Variants in PUS10 observed in about 807,000 individuals in gnomAD.
The protein encoded by PUS10 is pseudouridine synthase 10.
In PUS10, 59 loss-of-function variants were observed where a neutral mutation model predicts 75.0. That is an observed-to-expected ratio of 0.79 (90% CI 0.64 to 0.98). PUS10 has a LOEUF of 0.98. Among genes scored for constraint, PUS10 ranks in the 50% least tolerant of loss-of-function variants. PUS10 has a pLI of 0.00. For missense variants in PUS10, 650 were observed against 614.4 expected, an observed-to-expected ratio of 1.06 and a Z score of -0.61; for synonymous variants, 219 against 211.6, an observed-to-expected ratio of 1.03 and a Z score of -0.30.
At chr2:60,992,099 C>T (rs1678126316) in intron 4 of PUS10, among the ~76,000 whole-genome samples, 1 of 151,770 alleles carries the variant, frequency 6.6e-6, no homozygotes, top group South Asian at 2.1e-4. Context: ...GCAACCTCCA[C>T]TTCCTGGGTT....
intron 14 of PUS10, among the ~76,000 whole-genome samples, 181 bp downstream of exon 14, chr2:60,953,752 T>C (rs1298827662): frequency 1.3e-5 from 2 of 152,272 alleles, no homozygotes; most frequent in Non-Finnish European, 2.9e-5. Context: ...GAGCATTTTT[T>C]CATATGTTAA....
chr2:60,948,549 AC>A (rs1675133124), intron 15 of PUS10, among the ~76,000 whole-genome samples: 2 of 151,876 alleles, frequency 1.3e-5, no homozygotes, highest in African/African-American at 2.4e-5. Context: ...TTTAGGGAGA[AC>A]CACATACCTA....
chr2:61,011,932 G>T, intron 1 of PUS10, 27 bp from the exon 2 acceptor site: 1 of 1,562,310 alleles, frequency 6.4e-7, no homozygotes, highest in South Asian at 1.2e-5. Context: ...TAAAACTAAT[G>T]AGCAGCTTCT....
chr2:60,960,259 G>C, intron 11 of PUS10, 133 bp downstream of exon 11: 1 of 592,112 alleles, frequency 1.7e-6, no homozygotes, highest in Non-Finnish European at 2.6e-6. Flanking sequence ...TGGGCAGATC[G>C]TTTGAGCCCA....
At chr2:60,965,384 C>G in intron 7 of PUS10, 39 bp downstream of exon 7, 1 of 1,508,992 alleles carries the variant, frequency 6.6e-7, no homozygotes, top group African/African-American at 1.4e-5. Context: ...ACAGCATTAA[C>G]AATTTTACAC....
chr2:60,985,232 T>C (rs1228677874), intron 4 of PUS10, among the ~76,000 whole-genome samples: 1 of 152,306 alleles, frequency 6.6e-6, no homozygotes, highest in Middle Eastern at 3.4e-3. Context: ...TTTTAAAGTG[T>C]TACATAGTAT....
intron 4 of PUS10, among the ~76,000 whole-genome samples, chr2:61,000,845 CA>C (rs539940125): frequency 1.3e-5 from 2 of 151,926 alleles, no homozygotes; most frequent in South Asian, 2.1e-4. Context: ...GATTTTTCAC[CA>C]AAAAAATTTG....
At chr2:60,992,182 T>C (rs1022871986) in intron 4 of PUS10, among the ~76,000 whole-genome samples, 5 of 152,116 alleles carry the variant, frequency 3.3e-5, no homozygotes, top group Admixed American at 2.6e-4. Context: ...AGCTAATTTT[T>C]ACATTACATT....
intron 4 of PUS10, among the ~76,000 whole-genome samples, chr2:60,990,130 A>C (rs1677985306): frequency 6.6e-6 from 1 of 152,178 alleles, no homozygotes; most frequent in Non-Finnish European, 1.5e-5. Flanking sequence ...TTTTTCTAAA[A>C]CACCCATACA....
intron 11 of PUS10, among the ~76,000 whole-genome samples, chr2:60,958,528 CA>C (rs1348291676): frequency 6.6e-6 from 1 of 152,144 alleles, no homozygotes; most frequent in African/African-American, 2.4e-5. Context: ...TTGTCATTAT[CA>C]AAGCATGCTT....
chr2:60,984,848 G>A (rs1039828919), intron 4 of PUS10, among the ~76,000 whole-genome samples: 7 of 152,154 alleles, frequency 4.6e-5, no homozygotes, highest in Admixed American at 4.6e-4. Flanking sequence ...CCCAAACTAT[G>A]TGCAGTACAT....
chr2:61,009,076 G>GTT, intron 2 of PUS10, 61 bp from the exon 3 acceptor site: 1 of 1,443,426 alleles, frequency 6.9e-7, no homozygotes, highest in Non-Finnish European at 9.3e-7. Flanking sequence ...GGCTTTCTAG[G>GTT]TAAGATGAAA....
intron 4 of PUS10, among the ~76,000 whole-genome samples, chr2:60,986,899 T>A (rs1478085599): frequency 2.6e-5 from 4 of 152,202 alleles, no homozygotes; most frequent in Non-Finnish European, 5.9e-5. Flanking sequence ...TCTTTCCCCA[T>A]CTAGAAGACA....
In PUS10 at chr2:61,011,848, A is replaced by G. The variant is rs1328120093; in HGVS notation, c.43T>C (p.Leu15=). Residue 15 remains leucine (L), a synonymous_variant, in exon 2 of 18, where the codon TTG becomes CTG. Transcript: ENST00000316752. ...TEENKHVAQL[L]LNTGTCPRCI... ...CTTGGACAAGTACCAGTATTGAGCA[A>G]CAACTGGGCCACATGCTTGTTTTCC... The G allele has an allele frequency of 6.2e-7, 1 of 1,609,632 alleles. No homozygotes were observed. Among genetic ancestry groups the G allele is most frequent in the South Asian group, 1.1e-5 (1 of 90,312 alleles).
At chr2:61,010,118 T>C (rs1394916085) in intron 2 of PUS10, 1 of 152,254 alleles carries the variant, frequency 6.6e-6, no homozygotes, top group East Asian at 1.9e-4. Context: ...CAAACGAAAG[T>C]TGATAACACT....
chr2:60,997,795 A>G (rs1678578708), intron 4 of PUS10, among the ~76,000 whole-genome samples: 1 of 152,154 alleles, frequency 6.6e-6, no homozygotes, highest in South Asian at 2.1e-4. Context: ...AACTGAAGGG[A>G]GTTCTAAACT....
chr2:61,016,052 T>C (rs948875428), intron 1 of PUS10, among the ~76,000 whole-genome samples: 1 of 152,228 alleles, frequency 6.6e-6, no homozygotes. Flanking sequence ...GATACTTAAA[T>C]AGCTATATTA....
intron 4 of PUS10, among the ~76,000 whole-genome samples, chr2:60,989,821 C>T (rs1677965276): frequency 1.3e-5 from 2 of 152,020 alleles, no homozygotes; most frequent in African/African-American, 4.8e-5. Context: ...GATGGGCTTT[C>T]ACCATGTTGG....
intron 1 of PUS10, among the ~76,000 whole-genome samples, chr2:61,013,460 A>C (rs1363311572): frequency 6.6e-6 from 1 of 152,162 alleles, no homozygotes. Context: ...TCATATTTCT[A>C]TGTGCCATCC....
Sources: gnomAD v4.1 joint callset for allele counts (sites outside exome capture counted in the v4.1 genomes callset) on GRCh38, gnomAD v4.1.1 for gene constraint, MANE v1.5 for transcripts, NCBI Gene and HGNC (gene_info 2026-07-23, HGNC 2026-07-21) for gene names.